Variants in PLIN5 observed in about 807,000 individuals in gnomAD.
PLIN5 encodes the protein perilipin-5.
PLIN5 carries 34 observed loss-of-function variants against 32.8 expected under a neutral mutation model. The ratio of observed to expected loss-of-function variants is 1.04; its 90% CI spans 0.79 to 1.38. The LOEUF (loss-of-function observed/expected upper bound fraction) is 1.38, where lower values mean the gene tolerates loss of function less well. PLIN5 is among the 40% of genes most tolerant of loss of function. The pLI, the probability that PLIN5 is intolerant of heterozygous loss-of-function variation, is 0.00. For synonymous variants in PLIN5, 309 were observed against 292.9 expected, an observed-to-expected ratio of 1.05 and a Z score of -0.56; for missense variants, 712 against 660.5, an observed-to-expected ratio of 1.08 and a Z score of -0.85.
Position 4,523,493 on chromosome 19 carries a change from G to A in PLIN5, c.*35C>T. 1 of 1,522,912 alleles carries A rather than the reference G, an allele frequency of 6.6e-7. No individual in the cohort carries two copies. The highest frequency in any genetic ancestry group is 2.4e-5 in the East Asian group (1 of 42,466). 94.3% of individuals were successfully genotyped at this position (1,522,912 alleles called of 1,614,324 possible). A position where few individuals can be genotyped will look rare whatever the true frequency, so the allele number is the denominator to read the frequency against. ...GGGCAGCAGGGATCGGGGTGTGCAG[G>A]TGGCCTTTCCTCCCCGCCTCCACTG... is the stretch of plus-strand genomic sequence containing the variant. On this transcript the variant is annotated 3_prime_UTR_variant, in exon 8 of 8. Transcript: ENST00000381848. This position sits in a 1 kb window ranked among gnomAD's most constrained non-coding sequence, Gnocchi z 5.0.
Position 4,523,881 on chromosome 19 carries a change from C to T in PLIN5, c.1039G>A (p.Gly347Ser). ...TGCGCGTGGGCCACGCGACCCCGGC[C>T]CTCGGCCAGCGCGGCCGCTGGCACG... ...RDVPAAALAE[G>S]RGRVAHAHAC... is the part of the protein sequence containing the mutation. Residue 347 changes from glycine to serine, a missense_variant, in exon 8 of 8, where the codon GGC becomes AGC. Transcript: ENST00000381848. The surrounding 1 kb of genome is among the most constrained non-coding windows in gnomAD (Gnocchi z 5.0). 1 of 1,517,518 alleles carries T rather than the reference C, an allele frequency of 6.6e-7. No homozygotes were observed. The allele number at this position is 1,517,518 out of a possible 1,614,324, so 94.0% of individuals were successfully genotyped here. A position where few individuals can be genotyped will look rare whatever the true frequency, so the allele number is the denominator to read the frequency against.
chr19:4,531,709 G>T lies in PLIN5; in HGVS notation c.174C>A (p.Arg58=). ...DRHPLLGSAC[R]LAENCVCGLT... The stretch of plus-strand genomic sequence containing the variant: ...GGCCGCACACGCAGTTCTCAGCCAG[G>T]CGGCAGGCGGAGCCCAGCAGCGGGT... Residue 58 remains arginine, a synonymous_variant, in exon 3 of 8, where the codon CGC becomes CGA. Transcript: ENST00000381848. 1 of 1,580,458 alleles carries T rather than the reference G, an allele frequency of 6.3e-7. No individual in the cohort carries two copies.
intron 2 of PLIN5, chr19:4,532,312 C>T (rs967925718): frequency 6.5e-6 from 1 of 153,164 alleles, no homozygotes; most frequent in African/African-American, 2.4e-5. Flanking sequence ...CTGCCTCAGC[C>T]TCCCGAGGAG....
rs376494728 is a variant in PLIN5, at chr19:4,534,078, G to C, written c.-4C>G. 6 of 1,611,994 alleles carry C rather than the reference G, an allele frequency of 3.7e-6. No homozygotes were observed. The highest frequency in any genetic ancestry group is 1.7e-5 in the Admixed American group (1 of 59,794). On this transcript the variant is annotated 5_prime_UTR_variant, in exon 2 of 8. Transcript: ENST00000381848. Reference sequence around the variant, plus strand: ...GAGCCGCCTCTTCTTCAGACATCGTGCTGCAAACAGGGTCACCCTGCGGGG... The same window carrying C: ...GAGCCGCCTCTTCTTCAGACATCGTCCTGCAAACAGGGTCACCCTGCGGGG...
rs538978472 is a variant in PLIN5, at chr19:4,529,200, G to A, written c.393C>T (p.Asp131=). 36 of 1,612,488 alleles carry A rather than the reference G, an allele frequency of 2.2e-5. No individual in the cohort carries two copies. The highest frequency in any genetic ancestry group is 1.6e-4 in the Middle Eastern group (1 of 6,080). ...VVASSVTGVV[D]LARRGRRWSV... is the part of the protein sequence containing the mutation. Reference sequence around the variant, plus strand: ...TCCAGCGCCGGCCCCTCCGGGCCAGGTCCACCACACCCGTGACACTGCTGG... The same window carrying A: ...TCCAGCGCCGGCCCCTCCGGGCCAGATCCACCACACCCGTGACACTGCTGG... The change falls in exon 5 of 8, where the codon GAC becomes GAT. Residue 131 remains aspartate (D), a synonymous_variant. Coordinates refer to ENST00000381848, the MANE Select transcript of PLIN5 (RefSeq NM_001013706.3).
chr19:4,526,507 C>T (rs1976805658), intron 5 of PLIN5, among the ~76,000 whole-genome samples: 1 of 152,208 alleles, frequency 6.6e-6, no homozygotes, highest in Non-Finnish European at 1.5e-5. Flanking sequence ...AGGTGTGAGC[C>T]ATCATGCCTG....
At chr19:4,527,538 CAAAAA>C (rs1176219746) in intron 5 of PLIN5, among the ~76,000 whole-genome samples, 11 of 29,680 alleles carry the variant, frequency 3.7e-4, no homozygotes, top group South Asian at 2.1e-3. Flanking sequence ...GACTCCACTT[CAAAAA>C]AAAAAAAAAA....
intron 5 of PLIN5, among the ~76,000 whole-genome samples, chr19:4,527,508 T>TAG (rs1976819467): frequency 8.4e-6 from 1 of 119,538 alleles, no homozygotes; most frequent in African/African-American, 3.3e-5. Flanking sequence ...CACTGCACTC[T>TAG]AGCCTGGGCG....
chr19:4,533,572 T>C, intron 2 of PLIN5: 1 of 262,922 alleles, frequency 3.8e-6, no homozygotes, highest in Non-Finnish European at 7.2e-6. Context: ...CACTGAACTG[T>C]TCGGTGCCTT....
rs745433184 is a variant in PLIN5, at chr19:4,523,996, C to G, written c.924G>C (p.Leu308=). 2 of 1,523,810 alleles carry G rather than the reference C, an allele frequency of 1.3e-6. No individual in the cohort carries two copies. The highest frequency in any genetic ancestry group is 1.7e-6 in the Non-Finnish European group (2 of 1,143,070). The allele number at this position is 1,523,810 out of a possible 1,614,324, so 94.4% of individuals were successfully genotyped here. A position where few individuals can be genotyped will look rare whatever the true frequency, so the allele number is the denominator to read the frequency against. The change falls in exon 8 of 8, where the codon CTG becomes CTC. Residue 308 remains leucine, a synonymous_variant. Coordinates refer to ENST00000381848, the MANE Select transcript of PLIN5 (RefSeq NM_001013706.3). This position sits in a 1 kb window ranked among gnomAD's most constrained non-coding sequence, Gnocchi z 5.0. The part of the protein sequence containing the change: ...VEALESSVRG[L]PAGAQEKVAE... ...CCACCTTCTCCTGGGCGCCGGCGGG[C>G]AGGCCCCGCACGCTGGACTCCAGAG...
rs1403931466 is a variant in PLIN5, at chr19:4,525,869, A to ACAGCACGGGGACAG, written c.521-38_521-37insCTGTCCCCGTGCTG. Reference sequence around the variant, plus strand: ...GATACGGGGACAGCACGGGGACAGGATACGGGGACAGCACGGGGACAGGAT... The same window carrying ACAGCACGGGGACAG: ...GATACGGGGACAGCACGGGGACAGGACAGCACGGGGACAGTACGGGGACAGCACGGGGACAGGAT... On this transcript the variant is annotated intron_variant, in intron 5 of 7. Transcript: ENST00000381848. The surrounding 1 kb of genome is among the most constrained non-coding windows in gnomAD (Gnocchi z 5.6). The ACAGCACGGGGACAG allele has an allele frequency of 5.0e-6, 7 of 1,395,134 alleles. No homozygotes were observed. The African/African-American group carries it at 1.6e-4, about 33-fold the overall frequency. The allele number at this position is 1,395,134 out of a possible 1,614,324, so 86.4% of individuals were successfully genotyped here.
At chr19:4,534,390 T>C in intron 1 of PLIN5, 1 of 357,452 alleles carries the variant, frequency 2.8e-6, no homozygotes, top group Non-Finnish European at 5.1e-6. Flanking sequence ...TTTATTATTT[T>C]TTTAAAGACA....
At chr19:4,526,183 C>T (rs1976801337) in intron 5 of PLIN5, among the ~76,000 whole-genome samples, 1 of 152,034 alleles carries the variant, frequency 6.6e-6, no homozygotes, top group Non-Finnish European at 1.5e-5. Flanking sequence ...AGAAGCAGAC[C>T]CAGATTGGAA....
Position 4,524,998 on chromosome 19 carries a change from C to G in PLIN5, c.799G>C (p.Gly267Arg), listed in dbSNP as rs1376911141. 3 of 1,520,632 alleles carry G rather than the reference C, an allele frequency of 2.0e-6. No individual in the cohort carries two copies. The highest frequency in any genetic ancestry group is 2.6e-6 in the Non-Finnish European group (3 of 1,134,616). 94.2% of individuals were successfully genotyped at this position (1,520,632 alleles called of 1,614,324 possible). ...CGGCGGCTCTCCGGAGGGCGCTGGC[C>G]CCATTCCCCCCACAGCTCGTGCACC... ...GKVHELWGEW[G>R]QRPPESRRRS... is the part of the protein sequence containing the mutation. Residue 267 changes from glycine (G) to arginine (R), a missense_variant, in exon 7 of 8, where the codon GGC becomes CGC. By Grantham distance (125) the Gly-to-Arg change is moderately radical (BLOSUM62 -2). Transcript: ENST00000381848.
chr19:4,524,630 G>GGGAAAGCGAGAAGGGGC (rs1976776443), intron 7 of PLIN5, among the ~76,000 whole-genome samples: 1 of 152,168 alleles, frequency 6.6e-6, no homozygotes, highest in Admixed American at 6.5e-5. Flanking sequence ...TGTGGAGGGA[G>GGGAAAGCGAGAAGGGGC]GGAAAGCGAG....
intron 2 of PLIN5, chr19:4,533,007 G>A (rs1034409551): frequency 1.6e-4 from 25 of 151,628 alleles, no homozygotes; most frequent in African/African-American, 6.1e-4. Context: ...GTTGAAAAAG[G>A]TCTGCATACT....
intron 5 of PLIN5, chr19:4,528,803 G>A (rs979045636): frequency 1.1e-5 from 4 of 368,508 alleles, no homozygotes; most frequent in South Asian, 1.1e-4. Context: ...TTTAAAACAC[G>A]CTGCACAGGC....
At chr19:4,533,882 C>G (rs1242797791) in intron 2 of PLIN5, 133 bp downstream of exon 2, 1 of 1,086,836 alleles carries the variant, frequency 9.2e-7, no homozygotes, top group African/African-American at 1.6e-5. Context: ...CTCCATGGAC[C>G]AAAATATTTT....
intron 5 of PLIN5, 123 bp downstream of exon 5, chr19:4,528,950 G>A (rs1448468513): frequency 1.3e-5 from 14 of 1,102,514 alleles, no homozygotes; most frequent in Non-Finnish European, 1.8e-5. Flanking sequence ...CTGGTTTTGA[G>A]TTGTATGTTT....
Sources: gnomAD v4.1 joint callset for allele counts (sites outside exome capture counted in the v4.1 genomes callset) on GRCh38, gnomAD v4.1.1 for gene constraint, Gnocchi (gnomAD v3.1) non-coding constraint, MANE v1.5 for transcripts, NCBI Gene and HGNC (gene_info 2026-07-23, HGNC 2026-07-21) for gene names.